The following UVSSA variants were observed in gnomAD, a reference collection of about 807,000 sequenced individuals.
UVSSA encodes the protein UV-stimulated scaffold protein A.
A neutral mutation model predicts 73.9 loss-of-function variants in UVSSA; 72 were observed. That is an observed-to-expected ratio of 0.97 (90% confidence interval 0.81 to 1.19). The LOEUF is 1.19. Ranked by LOEUF, UVSSA falls within the 50% of genes most tolerant of loss-of-function variation. The probability of loss-of-function intolerance (pLI) is 0.00; values close to 1 mark genes in which losing one functional copy is unlikely to be tolerated. For missense variants in UVSSA, 1,150 were observed against 965.0 expected (o/e 1.19, Z -2.54); for synonymous variants, 454 against 391.3 (o/e 1.16, Z -1.89).
intron 8 of UVSSA, among the ~76,000 whole-genome samples, chr4:1,372,288 G>A (rs867643124): frequency 2.0e-5 from 3 of 152,136 alleles, no homozygotes; most frequent in African/African-American, 7.2e-5. Context: ...TTTAGTTAAC[G>A]GTTGTTACGA....
At chr4:1,393,091 GCCTTGGAGGCCT>G (rs1379947243) in exon 14 of UVSSA, 2 of 152,308 alleles carry the variant, frequency 1.3e-5, no homozygotes, top group African/African-American at 4.8e-5. Flanking sequence ...GCTGGGCACA[GCCTTGGAGGCCT>G]CCTTGACTTT....
intron 7 of UVSSA, among the ~76,000 whole-genome samples, chr4:1,364,042 G>A (rs1261814587): frequency 7.8e-4 from 10 of 12,790 alleles, no homozygotes; most frequent in African/African-American, 4.4e-3. Flanking sequence ...CCCGGGCCCC[G>A]TGGCCTTGTG....
At chr4:1,385,814 C>G (rs1298258942) in intron 13 of UVSSA, 54 bp from the exon 14 acceptor site, 7 of 1,591,378 alleles carry the variant, frequency 4.4e-6, no homozygotes, top group Middle Eastern at 1.7e-4. Context: ...CCACTGGGAG[C>G]CCAGGCCCCT....
intron 4 of UVSSA, 77 bp from the exon 5 acceptor site, chr4:1,352,953 C>A (rs1436303694): frequency 3.3e-5 from 51 of 1,532,592 alleles, no homozygotes; most frequent in Non-Finnish European, 4.5e-5. Flanking sequence ...GGGAGTGGGC[C>A]TCTGAGTGTG....
intron 7 of UVSSA, among the ~76,000 whole-genome samples, chr4:1,357,764 T>C (rs1452707271): frequency 1.3e-5 from 2 of 152,226 alleles, no homozygotes; most frequent in Non-Finnish European, 2.9e-5. Context: ...CCCAGACCTC[T>C]GCAGGCTGCA....
At chr4:1,390,819 T>C (rs1186060894), downstream of UVSSA, 1 of 153,170 alleles carries the variant, frequency 6.5e-6, no homozygotes, top group South Asian at 2.1e-4. Context: ...TTTGTAGTGT[T>C]GTATAGATGC....
intron 7 of UVSSA, among the ~76,000 whole-genome samples, chr4:1,360,358 A>G (rs1160311714): frequency 6.6e-6 from 1 of 152,114 alleles, no homozygotes; most frequent in Non-Finnish European, 1.5e-5. Flanking sequence ...CGCTTGCCAG[A>G]CAAGCCCAGC....
upstream of UVSSA, among the ~76,000 whole-genome samples, chr4:1,343,439 C>T (rs1713502040): frequency 6.6e-6 from 1 of 152,130 alleles, no homozygotes; most frequent in South Asian, 2.1e-4. Flanking sequence ...GCAGGGGCCA[C>T]AATTCAGTCC....
Position 1,386,718 on chromosome 4 carries a change from T to TTG in UVSSA, c.*758_*759insGT, listed in dbSNP as rs1309665290. ...GATTTATCTTGAGTTGTAACAGTTG[T>TTG]TTTTTTTGTTTTTCCTTTTAGAGAT... is the stretch of plus-strand genomic sequence containing the variant. On this transcript the variant is annotated 3_prime_UTR_variant, in exon 14 of 14. Coordinates refer to ENST00000389851, the MANE Select transcript of UVSSA (RefSeq NM_020894.4). 1.8e-4 allele frequency: 2 copies of TTG among 11,124 alleles called. No homozygotes were observed. The highest frequency in any genetic ancestry group is 3.7e-3 in the African/African-American group (2 of 546). 0.7% of individuals were successfully genotyped at this position (11,124 alleles called of 1,614,324 possible).
intron 5 of UVSSA, among the ~76,000 whole-genome samples, chr4:1,354,210 T>C (rs1272510232): frequency 6.6e-6 from 1 of 152,220 alleles, no homozygotes; most frequent in African/African-American, 2.4e-5. Flanking sequence ...TGGACACCGC[T>C]GCTGCAAGCC....
Position 1,381,228 on chromosome 4 carries a change from CGGGAGG to C in UVSSA, c.1861+241_1861+246del, listed in dbSNP as rs201074612. On this transcript the variant is annotated intron_variant, in intron 12 of 13. Transcript: ENST00000389851. Reference sequence around the variant, plus strand: ...GGTCACGTGTTCATGAGGCCCTGACCGGGAGGTGGGCACCCACGGCCCCGAAGCCAC... The same window carrying C: ...GGTCACGTGTTCATGAGGCCCTGACCTGGGCACCCACGGCCCCGAAGCCAC... Among the ~76,000 whole-genome samples the C allele has an allele frequency of 6.6e-3, 1,011 of 152,320 alleles. 9 individuals are homozygous for C. Among genetic ancestry groups the C allele is most frequent in the African/African-American group, 0.023 (960 of 41,556 alleles).
downstream of UVSSA, chr4:1,391,382 CT>C (rs1414096228): frequency 6.6e-6 from 1 of 152,210 alleles, no homozygotes; most frequent in Non-Finnish European, 1.5e-5. Context: ...CTTCTCTTCC[CT>C]TATTGATCTT....
rs761544597 is a variant in UVSSA, at chr4:1,355,142, G to A, written c.1073G>A (p.Gly358Asp). 1 of 1,613,866 alleles carries A rather than the reference G, an allele frequency of 6.2e-7. No homozygotes were observed. The highest frequency in any genetic ancestry group is 1.7e-5 in the Admixed American group (1 of 60,020). The change falls in exon 7 of 14, where the codon GGT (glycine) becomes GAT (aspartate). Residue 358 changes from glycine to aspartate, a missense_variant. Gly to Asp is a moderately conservative substitution (Grantham distance 94). Coordinates refer to ENST00000389851, the MANE Select transcript of UVSSA (RefSeq NM_020894.4). ...CGCTTCACCCGCGTCGGGACCCACG[G>A]TGGATGTTTAAAGCGTGCCATTGAC... The part of the protein sequence containing the change: ...IQRFTRVGTH[G>D]GCLKRAIDLK...
chr4:1,351,770 A>G lies in UVSSA; in HGVS notation c.485A>G (p.Glu162Gly). ...RSLAERKREE[E>G]KQKHLDKIYQ... ...CTGGCAGAAAGGAAGAGAGAAGAGGAGAAGCAGAAGCACTTGGATAAAATT... is the reference window on the plus strand; with the variant it reads ...CTGGCAGAAAGGAAGAGAGAAGAGGGGAAGCAGAAGCACTTGGATAAAATT... Residue 162 changes from glutamate (E) to glycine (G), a missense_variant, in exon 4 of 14, where the codon GAG becomes GGG. Glu to Gly is a moderately conservative substitution (Grantham distance 98). Coordinates refer to ENST00000389851, the MANE Select transcript of UVSSA (RefSeq NM_020894.4). The G allele has an allele frequency of 6.2e-7, 1 of 1,613,728 alleles. No individual in the cohort carries two copies. The highest frequency in any genetic ancestry group is 8.5e-7 in the Non-Finnish European group (1 of 1,179,878).
chr4:1,380,694 C>G (rs1344981230), intron 11 of UVSSA, 186 bp from the exon 12 acceptor site: 1 of 1,542,476 alleles, frequency 6.5e-7, no homozygotes, highest in East Asian at 2.5e-5. Context: ...CGGAGCCATC[C>G]CCACGTCCCT....
exon 14 of UVSSA, chr4:1,395,371 G>C (rs760540288): frequency 3.8e-6 from 6 of 1,567,182 alleles, no homozygotes; most frequent in Non-Finnish European, 5.2e-6. Context: ...GTGCCGATGT[G>C]GAGTGCCCGC....
At chr4:1,392,812 A>G (rs1309276750), downstream of UVSSA, 2 of 152,180 alleles carry the variant, frequency 1.3e-5, no homozygotes, top group Non-Finnish European at 2.9e-5. Flanking sequence ...TCTTCTGCCT[A>G]GTTATATTGA....
At chr4:1,353,486 C>T (rs1447465545) in intron 5 of UVSSA, 73 bp downstream of exon 5, 6 of 1,430,256 alleles carry the variant, frequency 4.2e-6, no homozygotes, top group Non-Finnish European at 4.6e-6. Context: ...CTCACTGGCA[C>T]CCGGCCCAGG....
At chr4:1,366,720 C>T (rs1158273405) in intron 8 of UVSSA, among the ~76,000 whole-genome samples, 1 of 152,228 alleles carries the variant, frequency 6.6e-6, no homozygotes, top group African/African-American at 2.4e-5. Context: ...GCTGGTCCTC[C>T]TCTGCCAGGC....
Sources: gnomAD v4.1 joint callset for allele counts (sites outside exome capture counted in the v4.1 genomes callset) on GRCh38, gnomAD v4.1.1 for gene constraint, MANE v1.5 for transcripts, NCBI Gene and HGNC (gene_info 2026-07-23, HGNC 2026-07-21) for gene names.